Variants in FILIP1L observed in about 807,000 individuals in gnomAD.
The protein encoded by FILIP1L is filamin A interacting protein 1 like.
A neutral mutation model predicts 96.6 loss-of-function variants in FILIP1L; 55 were observed. The ratio of observed to expected loss-of-function variants is 0.57; its 90% CI spans 0.46 to 0.71. The LOEUF (loss-of-function observed/expected upper bound fraction) is 0.71. Among genes scored for constraint, FILIP1L ranks in the 30% least tolerant of loss-of-function variants. The pLI is 0.00. For synonymous variants in FILIP1L, 467 were observed against 473.9 expected (o/e 0.99, Z 0.19); for missense variants, 1,304 against 1,321.2 (o/e 0.99, Z 0.20).
chr3:100,083,327 G>A (rs1335293732), intron 1 of FILIP1L, among the ~76,000 whole-genome samples: 2 of 152,292 alleles, frequency 1.3e-5, no homozygotes, highest in East Asian at 3.9e-4. Context: ...TAGATAAGTA[G>A]CCCTTAACGT....
intron 4 of FILIP1L, among the ~76,000 whole-genome samples, chr3:99,874,818 CA>C (rs1396630307): frequency 8.5e-5 from 13 of 152,158 alleles, no homozygotes; most frequent in South Asian, 4.1e-4. Flanking sequence ...AATATAAAAA[CA>C]TGAGTTTGTA....
At chr3:100,042,207 T>A (rs1303099215) in intron 1 of FILIP1L, among the ~76,000 whole-genome samples, 1 of 152,338 alleles carries the variant, frequency 6.6e-6, no homozygotes, top group Non-Finnish European at 1.5e-5. Context: ...GCCACTGAAA[T>A]TTTTTAAAGC....
chr3:100,019,386 G>A (rs35154249), intron 1 of FILIP1L, among the ~76,000 whole-genome samples: 24,427 of 152,064 alleles, frequency 0.16, 2,332 homozygotes, highest in South Asian at 0.21. Context: ...TGACAGGAGA[G>A]TAACCTCTCA....
chr3:99,879,688 G>A (rs1163341218), intron 4 of FILIP1L, among the ~76,000 whole-genome samples: 7 of 152,184 alleles, frequency 4.6e-5, no homozygotes, highest in African/African-American at 1.7e-4. Context: ...TGCTCCCTAG[G>A]AGCTCTGCTT....
chr3:100,011,295 G>A (rs1267014097), intron 1 of FILIP1L, among the ~76,000 whole-genome samples: 1 of 152,168 alleles, frequency 6.6e-6, no homozygotes, highest in Admixed American at 6.5e-5. Flanking sequence ...CTCGACACGT[G>A]TTGATCTATT....
intron 5 of FILIP1L, among the ~76,000 whole-genome samples, chr3:99,847,287 A>G (rs776417227): frequency 1.1e-4 from 16 of 151,884 alleles, no homozygotes; most frequent in Admixed American, 3.3e-4. Flanking sequence ...TAGCACCTAC[A>G]TTAAGTAATT....
At chr3:99,845,647 A>AAT (rs1943331389) in intron 5 of FILIP1L, among the ~76,000 whole-genome samples, 1 of 152,202 alleles carries the variant, frequency 6.6e-6, no homozygotes, top group South Asian at 2.1e-4. Flanking sequence ...CACACAAAAA[A>AAT]ATATAAGAAA....
chr3:100,059,392 G>A (rs151173753), intron 1 of FILIP1L, among the ~76,000 whole-genome samples: 63 of 152,286 alleles, frequency 4.1e-4, no homozygotes, highest in African/African-American at 1.3e-3. Flanking sequence ...CTTGCTTTTA[G>A]CCTCATCTCC....
intron 4 of FILIP1L, among the ~76,000 whole-genome samples, chr3:99,911,759 T>G (rs1706796401): frequency 1.3e-5 from 2 of 152,196 alleles, no homozygotes; most frequent in South Asian, 4.1e-4. Flanking sequence ...CAGCTCACAA[T>G]TAATTAACTC....
chr3:99,849,760 A>G lies in FILIP1L; in HGVS notation c.1916T>C (p.Leu639Pro), dbSNP rs754976384. The change falls in exon 5 of 6, where the codon CTA (leucine) becomes CCA (proline). Residue 639 changes from leucine (L) to proline (P), a missense_variant. Physicochemically the swap from Leu to Pro is moderately conservative, Grantham distance 98. Coordinates refer to ENST00000477258, the MANE Select transcript of FILIP1L (RefSeq NM_001387850.1). ...ATCCTCAATGGCTTTCATGTCCTTT[A>G]GCTTCAGTTTCAGTCTTTCCACTTC... ...SQEVERLKLKLKDMKAIEDDL... is the reference protein window; with the variant it reads ...SQEVERLKLKPKDMKAIEDDL... 1.2e-6 allele frequency: 2 copies of G among 1,613,456 alleles called. No homozygotes were observed. Among genetic ancestry groups the G allele is most frequent in the Non-Finnish European group, 1.7e-6 (2 of 1,179,892 alleles).
rs1336550912 is a variant in FILIP1L, at chr3:99,968,512, T to C, written c.-10-37482A>G. Among the ~76,000 whole-genome samples the C allele has an allele frequency of 2.0e-5, 3 of 151,454 alleles. No homozygotes were observed. The East Asian group carries it at 5.8e-4, about 29-fold the overall frequency. ...CCAGGTAAATAAACATGGAAGGTGA[T>C]GGGAGGTAATCTGGGCTGGAAATAC... On this transcript the variant is annotated intron_variant, in intron 1 of 5. Coordinates refer to ENST00000477258, the MANE Select transcript of FILIP1L (RefSeq NM_001387850.1).
At chr3:99,869,421 T>A (rs1944677829) in intron 4 of FILIP1L, among the ~76,000 whole-genome samples, 2 of 152,194 alleles carry the variant, frequency 1.3e-5, no homozygotes. Context: ...TCAAACATAA[T>A]GTATTTATTT....
intron 5 of FILIP1L, among the ~76,000 whole-genome samples, chr3:99,846,656 G>C (rs1013500567): frequency 6.6e-6 from 1 of 152,176 alleles, no homozygotes; most frequent in South Asian, 2.1e-4. Context: ...AGCCCATAGC[G>C]TTGGTGTTGC....
At chr3:99,872,273 G>C (rs1944832781) in intron 4 of FILIP1L, among the ~76,000 whole-genome samples, 2 of 82,184 alleles carry the variant, frequency 2.4e-5, no homozygotes, top group Admixed American at 1.2e-4. Flanking sequence ...CCAGGACTGT[G>C]TGTGTGTGTG....
At chr3:99,881,149 CATAAGTTGGCT>C (rs1482869058) in intron 4 of FILIP1L, among the ~76,000 whole-genome samples, 1 of 152,006 alleles carries the variant, frequency 6.6e-6, no homozygotes, top group Non-Finnish European at 1.5e-5. Flanking sequence ...CAGGGGATGC[CATAAGTTGGCT>C]ATGGACTCTA....
intron 4 of FILIP1L, among the ~76,000 whole-genome samples, chr3:99,855,724 AGCAGG>A (rs1943929672): frequency 6.6e-6 from 1 of 152,234 alleles, no homozygotes; most frequent in Admixed American, 6.5e-5. Context: ...TATCTCTCAG[AGCAGG>A]GGTTTTTAAA....
intron 1 of FILIP1L, among the ~76,000 whole-genome samples, chr3:100,000,926 C>G (rs146593766): frequency 2.6e-5 from 4 of 152,150 alleles, no homozygotes; most frequent in Admixed American, 2.0e-4. Flanking sequence ...TACGGCAAGA[C>G]ACTTGTAAGA....
Position 99,848,589 on chromosome 3 carries a change from A to C in FILIP1L, c.3087T>G (p.His1029Gln). The C allele has an allele frequency of 6.2e-7, 1 of 1,614,190 alleles. No individual in the cohort carries two copies. The highest frequency in any genetic ancestry group is 8.5e-7 in the Non-Finnish European group (1 of 1,180,034). Residue 1029 changes from histidine to glutamine, a missense_variant, in exon 5 of 6, where the codon CAT becomes CAG. Coordinates refer to ENST00000477258, the MANE Select transcript of FILIP1L (RefSeq NM_001387850.1). ...GGTCTGGGGAGACTCTGAATATCGC[A>C]TGCTTGGCACTGATTTCTGTTGGTT... ...SPEPTEISAK[H>Q]AIFRVSPDRQ...
At chr3:99,970,382 G>T (rs1298309748) in intron 1 of FILIP1L, among the ~76,000 whole-genome samples, 1 of 152,204 alleles carries the variant, frequency 6.6e-6, no homozygotes. Flanking sequence ...CTCCTCTTAA[G>T]CATGTAATAA....
Sources: gnomAD v4.1 joint callset for allele counts (sites outside exome capture counted in the v4.1 genomes callset) on GRCh38, gnomAD v4.1.1 for gene constraint, MANE v1.5 for transcripts, NCBI Gene and HGNC (gene_info 2026-07-23, HGNC 2026-07-21) for gene names.